GAREM2: variants seen among roughly 807,000 people sequenced by gnomAD.
The protein encoded by GAREM2 is GRB2 associated regulator of MAPK1 subtype 2.
GAREM2 carries 30 observed loss-of-function variants against 55.6 expected under a neutral mutation model. That is an observed-to-expected ratio of 0.54 (90% CI 0.40 to 0.73). GAREM2 has a LOEUF of 0.73. GAREM2 is among the 30% of genes least tolerant of loss of function. The probability of loss-of-function intolerance (pLI) is 0.00; values close to 1 mark genes in which losing one functional copy is unlikely to be tolerated. For missense variants in GAREM2, 1,075 were observed against 1,257.7 expected, an observed-to-expected ratio of 0.85 and a Z score of 2.20; for synonymous variants, 550 against 569.1, an observed-to-expected ratio of 0.97 and a Z score of 0.48.
chr2:26,184,908 C>T lies in GAREM2; in HGVS notation c.1060C>T (p.Pro354Ser), dbSNP rs761750999. The T allele has an allele frequency of 8.3e-6, 12 of 1,448,148 alleles. No individual in the cohort carries two copies. In the South Asian group the frequency reaches 1.1e-4, roughly 13 times the overall value. 89.7% of individuals were successfully genotyped at this position (1,448,148 alleles called of 1,614,324 possible). A position where few individuals can be genotyped will look rare whatever the true frequency, so the allele number is the denominator to read the frequency against. Residue 354 changes from proline to serine, a missense_variant, in exon 4 of 6, where the codon CCC (proline) becomes TCC (serine). Physicochemically the swap from Pro to Ser is moderately conservative, Grantham distance 74 (BLOSUM62 -1). Around this residue, in one of 6 missense-constraint regions of GAREM2, gnomAD observed 170 missense variants for 220.7 expected, o/e 0.77. Transcript: ENST00000401533. ...SASYCRERFD[P>S]DEYSTAVREA... ...CTCCTACTGCCGCGAGCGCTTCGAC[C>T]CCGACGAGTACTCCACGGCCGTGCG...
chr2:26,184,743 G>GTGGTGC lies in GAREM2; in HGVS notation c.899_904dup (p.Val300_Leu301dup), dbSNP rs1384954026. ...GCTGGTTAGCATCATCTCCAAGACG[G>GTGGTGC]TGGTGCTGGGGCTGGCGCTGCGCCG... On this transcript the variant is annotated inframe_insertion, in exon 4 of 6. Coordinates refer to ENST00000401533, the MANE Select transcript of GAREM2 (RefSeq NM_001168241.2). The GTGGTGC allele has an allele frequency of 6.6e-7, 1 of 1,514,446 alleles. No individual in the cohort carries two copies. The highest frequency in any genetic ancestry group is 2.1e-5 in the Admixed American group (1 of 48,710). The allele number at this position is 1,514,446 out of a possible 1,614,324, so 93.8% of individuals were successfully genotyped here.
At position 26,184,328 on chromosome 2, in the gene GAREM2, G is replaced by T. The variant is rs1408856610; in HGVS notation, c.480G>T (p.Leu160=). Residue 160 remains leucine (L), a synonymous_variant, in exon 4 of 6, where the codon CTG becomes CTT. Transcript: ENST00000401533. ...ELTLMGQAEI[L]CAKTTKERSR... ...CTCTTATGGGCCAGGCGGAGATCCTGTGCGCCAAGACCACCAAGGAGCGCT... is the reference window on the plus strand; with the variant it reads ...CTCTTATGGGCCAGGCGGAGATCCTTTGCGCCAAGACCACCAAGGAGCGCT... 5.8e-6 allele frequency: 9 copies of T among 1,550,528 alleles called. No homozygotes were observed. In the African/African-American group the frequency reaches 1.2e-4, roughly 21 times the overall value.
At chr2:26,197,645 C>A in the GAREM2 span, 3 of 872,882 alleles carry the variant, frequency 3.4e-6, no homozygotes, top group East Asian at 7.2e-5. Context: ...ATCAGTGAAT[C>A]TGAAGCAATA....
At chr2:26,186,966 A>T (rs1387533998) in intron 5 of GAREM2, among the ~76,000 whole-genome samples, 1 of 152,216 alleles carries the variant, frequency 6.6e-6, no homozygotes, top group African/African-American at 2.4e-5. Flanking sequence ...CAGAGCGAGA[A>T]CACCATCTCA....
chr2:26,181,245 A>C (rs1184163945), intron 2 of GAREM2: 1 of 605,176 alleles, frequency 1.7e-6, no homozygotes, highest in Admixed American at 6.3e-5. Context: ...TGCTGTCTGC[A>C]TCCCCTCCTG....
At chr2:26,193,892 C>T, downstream of GAREM2, 1 of 778,140 alleles carries the variant, frequency 1.3e-6, no homozygotes, top group South Asian at 1.5e-5. Context: ...GTCACCTGAC[C>T]AGGCCCAGGA....
chr2:26,201,399 C>A, the GAREM2 span: 1 of 952,368 alleles, frequency 1.1e-6, no homozygotes, highest in Admixed American at 1.9e-5. Context: ...CAGAGCACAC[C>A]TGTGTTTTTC....
rs1668754604 is a variant in GAREM2 at position 26,173,146 on chromosome 2, G to A, written c.-75G>A. 5.3e-6 allele frequency: 2 copies of A among 374,246 alleles called. No homozygotes were observed. Among genetic ancestry groups the A allele is most frequent in the Non-Finnish European group, 3.8e-6 (1 of 262,488 alleles). 23.2% of individuals were successfully genotyped at this position (374,246 alleles called of 1,614,324 possible). A position where few individuals can be genotyped will look rare whatever the true frequency, so the allele number is the denominator to read the frequency against. ...CGCCGCGGCGGCCCCGGGAGGTGGCGGCGGGCGCGAGAGCCTGGGCCGCGC... is the reference window on the plus strand; with the variant it reads ...CGCCGCGGCGGCCCCGGGAGGTGGCAGCGGGCGCGAGAGCCTGGGCCGCGC... On this transcript the variant is annotated 5_prime_UTR_variant, in exon 1 of 6. Transcript: ENST00000401533.
downstream of GAREM2, chr2:26,192,468 G>T: frequency 1.9e-6 from 2 of 1,059,952 alleles, no homozygotes; most frequent in Non-Finnish European, 3.0e-6. Context: ...TGTTCTCAGG[G>T]AGGGAGTGTT....
the GAREM2 span, chr2:26,197,575 G>A: frequency 8.2e-6 from 6 of 733,292 alleles, no homozygotes; most frequent in African/African-American, 6.8e-5. Flanking sequence ...CAGTGTTTAG[G>A]AACCACCCGC....
chr2:26,174,934 A>G (rs1041881199), intron 1 of GAREM2, among the ~76,000 whole-genome samples: 4 of 152,156 alleles, frequency 2.6e-5, no homozygotes, highest in Non-Finnish European at 5.9e-5. Flanking sequence ...GACAGCTCTC[A>G]GAGGAGGGAG....
the GAREM2 span, among the ~76,000 whole-genome samples, chr2:26,202,486 A>G: frequency 6.6e-6 from 1 of 152,210 alleles, no homozygotes; most frequent in Admixed American, 6.5e-5. Flanking sequence ...CACATCTGTA[A>G]TCCCAGCACT....
downstream of GAREM2, chr2:26,192,426 TAA>T: frequency 6.8e-7 from 1 of 1,460,510 alleles, no homozygotes; most frequent in Non-Finnish European, 9.6e-7. Flanking sequence ...ATTTACGACC[TAA>T]AACAGGCAAG....
intron 2 of GAREM2, chr2:26,180,787 T>G: frequency 2.7e-6 from 1 of 374,470 alleles, no homozygotes; most frequent in Non-Finnish European, 3.7e-6. Flanking sequence ...CAGAGAGTTT[T>G]TTGTATTTTT....
At chr2:26,192,508 C>G (rs1022863876), downstream of GAREM2, 21 of 824,270 alleles carry the variant, frequency 2.5e-5, no homozygotes, top group Admixed American at 3.6e-4. Flanking sequence ...CTGGCCTGGC[C>G]AGGCGTGGTG....
At chr2:26,191,999 C>T (rs1669520957), downstream of GAREM2, among the ~76,000 whole-genome samples, 1 of 152,168 alleles carries the variant, frequency 6.6e-6, no homozygotes. Context: ...AAGGCTGGAG[C>T]AGGGGAGGGC....
rs1401400905 is a variant in GAREM2 at position 26,188,302 on chromosome 2, C to T, written c.*45C>T. 1 of 1,397,612 alleles carries T rather than the reference C, an allele frequency of 7.2e-7. No individual in the cohort carries two copies. Among genetic ancestry groups the T allele is most frequent in the Non-Finnish European group, 9.4e-7 (1 of 1,063,654 alleles). The allele number at this position is 1,397,612 out of a possible 1,614,324, so 86.6% of individuals were successfully genotyped here. A position where few individuals can be genotyped will look rare whatever the true frequency, so the allele number is the denominator to read the frequency against. ...ACAGCTGGAATGCTGGTATGGGGGC[C>T]CCAGGTACAGCACTCCGGAGGAGCA... On this transcript the variant is annotated 3_prime_UTR_variant, in exon 6 of 6. Transcript: ENST00000401533.
At chr2:26,203,626 C>T in the GAREM2 span, among the ~76,000 whole-genome samples, 1 of 152,164 alleles carries the variant, frequency 6.6e-6, no homozygotes, top group East Asian at 1.9e-4. Flanking sequence ...GCAGTTACTG[C>T]CCATTTCCTT....
the GAREM2 span, among the ~76,000 whole-genome samples, chr2:26,200,017 G>A: frequency 2.6e-5 from 4 of 152,212 alleles, no homozygotes; most frequent in Admixed American, 2.6e-4. Flanking sequence ...AGTAGAACAC[G>A]GAGACATGAG....
Sources: allele counts gnomAD v4.1 joint callset (sites outside exome capture counted in the v4.1 genomes callset), GRCh38; gene constraint gnomAD v4.1.1; regional missense constraint gnomAD v4.1.1; transcripts MANE v1.5; gene names NCBI Gene and HGNC (gene_info 2026-07-23, HGNC 2026-07-21).